Variants in TRNAU1AP observed in about 807,000 individuals in gnomAD.
The protein encoded by TRNAU1AP is tRNA selenocysteine 1 associated protein 1.
TRNAU1AP carries 33 observed loss-of-function variants against 43.3 expected under a neutral mutation model. That is an observed-to-expected ratio of 0.76 (90% CI 0.58 to 1.02). The LOEUF is 1.02. Among genes scored for constraint, TRNAU1AP ranks in the 50% least tolerant of loss-of-function variants. The pLI, the probability that TRNAU1AP is intolerant of heterozygous loss-of-function variation, is 0.00. For missense variants in TRNAU1AP, 290 were observed against 362.7 expected, an observed-to-expected ratio of 0.80 and a Z score of 1.63; for synonymous variants, 143 against 129.1, an observed-to-expected ratio of 1.11 and a Z score of -0.73.
chr1:28,558,340 G>A (rs924657604), intron 2 of TRNAU1AP, among the ~76,000 whole-genome samples: 7 of 143,600 alleles, frequency 4.9e-5, no homozygotes, highest in Non-Finnish European at 9.0e-5. Context: ...TCAGCCTCCC[G>A]AGTAGCTGGG....
At chr1:28,561,438 C>T (rs778870767) in intron 4 of TRNAU1AP, 40 bp downstream of exon 4, 12 of 1,611,604 alleles carry the variant, frequency 7.4e-6, no homozygotes, top group African/African-American at 1.3e-5. Flanking sequence ...TAAGATGTGT[C>T]ACTGTGCCTG....
Position 28,567,321 on chromosome 1 carries a change from T to A in TRNAU1AP, c.438T>A (p.Asp146Glu), listed in dbSNP as rs760951333. 1 of 1,613,856 alleles carries A rather than the reference T, an allele frequency of 6.2e-7. No individual in the cohort carries two copies. The highest frequency in any genetic ancestry group is 8.5e-7 in the Non-Finnish European group (1 of 1,179,962). The change falls in exon 6 of 9, where the codon GAT becomes GAA. Residue 146 changes from aspartate to glutamate, a missense_variant. Asp to Glu is a conservative substitution (Grantham distance 45). Coordinates refer to ENST00000373830, the MANE Select transcript of TRNAU1AP (RefSeq NM_017846.5). ...GTTATGGTTTTGTGAAATTCACAGA[T>A]GAACTGGAACAGAAGCGAGCCCTGA... ...SKGYGFVKFTDELEQKRALTE... is the reference protein window; with the variant it reads ...SKGYGFVKFTEELEQKRALTE...
At chr1:28,567,197 A>G in intron 5 of TRNAU1AP, 97 bp from the exon 6 acceptor site, 2 of 1,366,706 alleles carry the variant, frequency 1.5e-6, no homozygotes, top group Admixed American at 2.1e-5. Flanking sequence ...TCCTTTCTAC[A>G]TTCCTGCCCA....
intron 8 of TRNAU1AP, among the ~76,000 whole-genome samples, chr1:28,573,259 C>T (rs1378522218): frequency 3.0e-5 from 3 of 98,544 alleles, no homozygotes; most frequent in East Asian, 3.1e-4. Context: ...GTCTCAAACT[C>T]GACCTCGTGA....
At position 28,558,041 on chromosome 1, in the gene TRNAU1AP, A is replaced by G. The variant is rs1183123829; in HGVS notation, c.126-2592A>G. ...CTCCTGAGTAGCTGGGATTACAGTCATGTGCCACTATGCCTGGCTAATTTT... is the reference window on the plus strand; with the variant it reads ...CTCCTGAGTAGCTGGGATTACAGTCGTGTGCCACTATGCCTGGCTAATTTT... On this transcript the variant is annotated intron_variant, in intron 2 of 8. Coordinates refer to ENST00000373830, the MANE Select transcript of TRNAU1AP (RefSeq NM_017846.5). 2.1e-5 allele frequency among the ~76,000 whole-genome samples: 3 copies of G among 144,798 alleles called. No homozygotes were observed. In the Admixed American group the frequency reaches 2.1e-4, roughly 10 times the overall value. 95.0% of individuals were successfully genotyped at this position (144,798 alleles called of 152,430 possible). A position where few individuals can be genotyped will look rare whatever the true frequency, so the allele number is the denominator to read the frequency against.
At chr1:28,572,398 G>A (rs932481828) in intron 8 of TRNAU1AP, among the ~76,000 whole-genome samples, 2 of 151,680 alleles carry the variant, frequency 1.3e-5, no homozygotes, top group Non-Finnish European at 2.9e-5. Context: ...GTTTCTCCAT[G>A]TTGGCTTGGC....
chr1:28,569,767 A>G (rs1260444503), intron 6 of TRNAU1AP, among the ~76,000 whole-genome samples: 1 of 148,552 alleles, frequency 6.7e-6, no homozygotes, highest in Non-Finnish European at 1.5e-5. Flanking sequence ...CGGGCAGATC[A>G]CAAGGTCAGG....
At chr1:28,575,673 C>T (rs1665761426) in intron 8 of TRNAU1AP, among the ~76,000 whole-genome samples, 1 of 150,856 alleles carries the variant, frequency 6.6e-6, no homozygotes. Flanking sequence ...GCTCTGTCGC[C>T]CAGGCTGGAG....
At chr1:28,553,993 T>C (rs1665194228) in intron 2 of TRNAU1AP, 1 of 319,464 alleles carries the variant, frequency 3.1e-6, no homozygotes, top group Non-Finnish European at 6.1e-6. Flanking sequence ...AGGTCAGGAG[T>C]TTGAGACCAG....
intron 6 of TRNAU1AP, among the ~76,000 whole-genome samples, 162 bp downstream of exon 6, chr1:28,567,575 T>A (rs112728831): frequency 6.6e-6 from 1 of 152,098 alleles, no homozygotes; most frequent in African/African-American, 2.4e-5. Context: ...CTGTGGGTGC[T>A]GGGGTTGAAC....
chr1:28,572,860 G>A (rs955412457), intron 8 of TRNAU1AP, among the ~76,000 whole-genome samples: 57 of 151,414 alleles, frequency 3.8e-4, no homozygotes, highest in African/African-American at 1.1e-3. Flanking sequence ...GCGTGAACCC[G>A]GGAGGCAGAG....
intron 2 of TRNAU1AP, among the ~76,000 whole-genome samples, chr1:28,555,819 T>G (rs575701536): frequency 6.6e-6 from 1 of 151,868 alleles, no homozygotes; most frequent in African/African-American, 2.4e-5. Flanking sequence ...CAGCTACTGG[T>G]ATGAAAATTC....
At chr1:28,576,637 T>A (rs1360509648) in intron 8 of TRNAU1AP, among the ~76,000 whole-genome samples, 1 of 151,644 alleles carries the variant, frequency 6.6e-6, no homozygotes, top group Admixed American at 6.6e-5. Flanking sequence ...TTTGCTCTTG[T>A]TGCCCAGGCT....
intron 8 of TRNAU1AP, among the ~76,000 whole-genome samples, chr1:28,573,218 G>C (rs1304973671): frequency 6.6e-6 from 1 of 150,562 alleles, no homozygotes; most frequent in Non-Finnish European, 1.5e-5. Context: ...ATTCTTAGTA[G>C]AGACGGGGTT....
At chr1:28,554,221 C>A (rs200999996) in intron 2 of TRNAU1AP, among the ~76,000 whole-genome samples, 9,971 of 138,782 alleles carry the variant, frequency 0.072, 935 homozygotes, top group African/African-American at 0.22. Flanking sequence ...AACAAAAAAA[C>A]AAAAAACGCA....
intron 2 of TRNAU1AP, among the ~76,000 whole-genome samples, chr1:28,560,279 CTTT>C (rs61583725): frequency 1.5e-5 from 2 of 137,766 alleles, no homozygotes; most frequent in African/African-American, 5.4e-5. Context: ...CATCTTGAGC[CTTT>C]TTTTTTTTTT....
chr1:28,553,574 G>T, intron 1 of TRNAU1AP, 66 bp from the exon 2 acceptor site: 1 of 1,485,030 alleles, frequency 6.7e-7, no homozygotes, highest in Admixed American at 1.7e-5. Context: ...AACGGGAGGG[G>T]CTCTGGAACC....
chr1:28,568,501 C>A (rs978364800), intron 6 of TRNAU1AP, among the ~76,000 whole-genome samples: 1 of 152,194 alleles, frequency 6.6e-6, no homozygotes, highest in Non-Finnish European at 1.5e-5. Flanking sequence ...TTTCGAATTC[C>A]TGGGCTCAAG....
At chr1:28,570,287 G>A (rs1035813732) in intron 6 of TRNAU1AP, among the ~76,000 whole-genome samples, 3 of 151,062 alleles carry the variant, frequency 2.0e-5, no homozygotes, top group African/African-American at 4.9e-5. Context: ...CACTTTTATT[G>A]CCCAGACTGG....
Sources: allele counts gnomAD v4.1 joint callset (sites outside exome capture counted in the v4.1 genomes callset), GRCh38; gene constraint gnomAD v4.1.1; transcripts MANE v1.5; gene names NCBI Gene and HGNC (gene_info 2026-07-23, HGNC 2026-07-21).